LRATD2: variants seen among roughly 807,000 people sequenced by gnomAD.
LRATD2 encodes protein LRATD2.
Under a neutral mutation model 12.0 loss-of-function variants are expected in LRATD2, and 10 were observed. That is an observed-to-expected ratio of 0.83 (90% confidence interval 0.51 to 1.41). LRATD2 has a LOEUF of 1.41. LRATD2 is among the 40% of genes most tolerant of loss of function. The pLI is 0.00. For missense variants in LRATD2, 455 were observed against 446.1 expected, an observed-to-expected ratio of 1.02 and a Z score of -0.18; for synonymous variants, 220 against 205.8, an observed-to-expected ratio of 1.07 and a Z score of -0.59.
At position 126,553,958 on chromosome 8, in the gene LRATD2, T is replaced by G. The variant is rs982317269; in HGVS notation, c.*2499A>C. 2 of 151,992 alleles carry G rather than the reference T, an allele frequency of 1.3e-5. No individual in the cohort carries two copies. The highest frequency in any genetic ancestry group is 4.8e-5 in the African/African-American group (2 of 41,300). 9.4% of individuals were successfully genotyped at this position (151,992 alleles called of 1,614,324 possible). A position where few individuals can be genotyped will look rare whatever the true frequency, so the allele number is the denominator to read the frequency against. ...CAGAGGAAGAAGACGGGTGGGGGAG[T>G]TGATCTGGCTAGCCCAGAGCTGGAC... On this transcript the variant is annotated 3_prime_UTR_variant, in exon 2 of 2. Transcript: ENST00000304916.
Position 126,556,329 on chromosome 8 carries a change from T to C in LRATD2, c.*128A>G, listed in dbSNP as rs1410799207. 8.6e-7 allele frequency: 1 copy of C among 1,159,708 alleles called. No homozygotes were observed. Among genetic ancestry groups the C allele is most frequent in the East Asian group, 2.9e-5 (1 of 34,550 alleles). The allele number at this position is 1,159,708 out of a possible 1,614,324, so 71.8% of individuals were successfully genotyped here. On this transcript the variant is annotated 3_prime_UTR_variant, in exon 2 of 2. Transcript: ENST00000304916. The surrounding 1 kb of genome is among the most constrained non-coding windows in gnomAD (Gnocchi z 5.6). Reference sequence around the variant, plus strand: ...CGGCTGCGCATTTCACCAACTCTTTTCCAAAGGGCCCAGGAATCCCAGATG... The same window carrying C: ...CGGCTGCGCATTTCACCAACTCTTTCCCAAAGGGCCCAGGAATCCCAGATG...
rs1463396447 is a variant in LRATD2, at chr8:126,553,949, G to A, written c.*2508C>T. ...ATTCTGGGACAGAGGAAGAAGACGG[G>A]TGGGGGAGTTGATCTGGCTAGCCCA... On this transcript the variant is annotated 3_prime_UTR_variant, in exon 2 of 2. Coordinates refer to ENST00000304916, the MANE Select transcript of LRATD2 (RefSeq NM_174911.5). 6.6e-6 allele frequency: 1 copy of A among 152,362 alleles called. No individual in the cohort carries two copies. Among genetic ancestry groups the A allele is most frequent in the Non-Finnish European group, 1.5e-5 (1 of 68,156 alleles). The allele number at this position is 152,362 out of a possible 1,614,324, so 9.4% of individuals were successfully genotyped here.
chr8:126,556,325 CTT>C lies in LRATD2; in HGVS notation c.*130_*131del, dbSNP rs1817390498. ...CAGCCGGCTGCGCATTTCACCAACTCTTTTCCAAAGGGCCCAGGAATCCCAGA... is the reference window on the plus strand; with the variant it reads ...CAGCCGGCTGCGCATTTCACCAACTCTTCCAAAGGGCCCAGGAATCCCAGA... On this transcript the variant is annotated 3_prime_UTR_variant, in exon 2 of 2. Transcript: ENST00000304916. This position sits in a 1 kb window ranked among gnomAD's most constrained non-coding sequence, Gnocchi z 5.6. 1 of 1,132,982 alleles carries C rather than the reference CTT, an allele frequency of 8.8e-7. No homozygotes were observed. The highest frequency in any genetic ancestry group is 1.2e-6 in the Non-Finnish European group (1 of 834,368). 70.2% of individuals were successfully genotyped at this position (1,132,982 alleles called of 1,614,324 possible).
At position 126,556,147 on chromosome 8, in the gene LRATD2, C is replaced by T. The variant is rs1817385660; in HGVS notation, c.*310G>A. On this transcript the variant is annotated 3_prime_UTR_variant, in exon 2 of 2. Transcript: ENST00000304916. The surrounding 1 kb of genome is among the most constrained non-coding windows in gnomAD (Gnocchi z 5.6). ...GTGCTTAAGAATGGCCGATTATAAA[C>T]CCAGATCTACCAAGGTTTAAGTGCC... 2 of 403,640 alleles carry T rather than the reference C, an allele frequency of 5.0e-6. No individual in the cohort carries two copies. The highest frequency in any genetic ancestry group is 4.5e-5 in the Admixed American group (1 of 22,022). The allele number at this position is 403,640 out of a possible 1,614,324, so 25.0% of individuals were successfully genotyped here. A position where few individuals can be genotyped will look rare whatever the true frequency, so the allele number is the denominator to read the frequency against.
chr8:126,554,793 T>C lies in LRATD2; in HGVS notation c.*1664A>G, dbSNP rs1421359616. 6.6e-6 allele frequency: 1 copy of C among 151,282 alleles called. No homozygotes were observed. The highest frequency in any genetic ancestry group is 1.5e-5 in the Non-Finnish European group (1 of 67,924). The allele number at this position is 151,282 out of a possible 1,614,324, so 9.4% of individuals were successfully genotyped here. On this transcript the variant is annotated 3_prime_UTR_variant, in exon 2 of 2. Coordinates refer to ENST00000304916, the MANE Select transcript of LRATD2 (RefSeq NM_174911.5). ...ATTCTATTCCAACTGTTCAGAATCATATCACAAAATGACTTGTACACAGTA... is the reference window on the plus strand; with the variant it reads ...ATTCTATTCCAACTGTTCAGAATCACATCACAAAATGACTTGTACACAGTA...
At position 126,557,756 on chromosome 8, in the gene LRATD2, T is replaced by A. The variant is rs1817453171; in HGVS notation, c.-96-271A>T. 2 of 222,990 alleles carry A rather than the reference T, an allele frequency of 9.0e-6. No individual in the cohort carries two copies. The highest frequency in any genetic ancestry group is 5.7e-5 in the Admixed American group (1 of 17,644). The allele number at this position is 222,990 out of a possible 1,614,324, so 13.8% of individuals were successfully genotyped here. ...CTACTGCTTCCGCCTGCGCCCTACC[T>A]GCCAAGCTTGGGCAGGAAGAGGGAA... On this transcript the variant is annotated intron_variant, in intron 1 of 1. Coordinates refer to ENST00000304916, the MANE Select transcript of LRATD2 (RefSeq NM_174911.5). The surrounding 1 kb of genome is among the most constrained non-coding windows in gnomAD (Gnocchi z 5.3).
At position 126,553,937 on chromosome 8, in the gene LRATD2, GGAA is replaced by G. The variant is rs1021211901; in HGVS notation, c.*2517_*2519del. The G allele has an allele frequency of 2.6e-5, 4 of 152,352 alleles. No individual in the cohort carries two copies. The highest frequency in any genetic ancestry group is 9.6e-5 in the African/African-American group (4 of 41,468). The allele number at this position is 152,352 out of a possible 1,614,324, so 9.4% of individuals were successfully genotyped here. ...ACATCATTTTCCATTCTGGGACAGA[GGAA>G]GAAGACGGGTGGGGGAGTTGATCTG... On this transcript the variant is annotated 3_prime_UTR_variant, in exon 2 of 2. Coordinates refer to ENST00000304916, the MANE Select transcript of LRATD2 (RefSeq NM_174911.5).
Position 126,557,152 on chromosome 8 carries a change from C to A in LRATD2, c.238G>T (p.Glu80Ter). The change falls in exon 2 of 2, where the codon GAG becomes TAG. Residue 80 changes from glutamate to a stop codon, truncating the protein, a stop_gained. Coordinates refer to ENST00000304916, the MANE Select transcript of LRATD2 (RefSeq NM_174911.5). LOFTEE classifies it high-confidence loss of function. This position sits in a 1 kb window ranked among gnomAD's most constrained non-coding sequence, Gnocchi z 5.3. The stretch of plus-strand genomic sequence containing the variant: ...CGGTAGAACACGGAGCATTCCACCT[C>A]GTGCAGCCGCGGATCGTAGGGCTGC... ...QPQPYDPRLH[E>*]VECSVFYRDE... 1 of 1,612,058 alleles carries A rather than the reference C, an allele frequency of 6.2e-7. No individual in the cohort carries two copies.
rs1179880209 is a variant in LRATD2 at position 126,554,336 on chromosome 8, A to G, written c.*2121T>C. On this transcript the variant is annotated 3_prime_UTR_variant, in exon 2 of 2. Coordinates refer to ENST00000304916, the MANE Select transcript of LRATD2 (RefSeq NM_174911.5). ...TTCTATTTTCACTACTGTGTTAAGC[A>G]TGAAAGAAAATCCAACTGGGTTAGA... 1 of 152,256 alleles carries G rather than the reference A, an allele frequency of 6.6e-6. No homozygotes were observed. Among genetic ancestry groups the G allele is most frequent in the Non-Finnish European group, 1.5e-5 (1 of 68,050 alleles). The allele number at this position is 152,256 out of a possible 1,614,324, so 9.4% of individuals were successfully genotyped here.
At position 126,556,437 on chromosome 8, in the gene LRATD2, C is replaced by G; in HGVS notation, c.*20G>C. On this transcript the variant is annotated 3_prime_UTR_variant, in exon 2 of 2. Coordinates refer to ENST00000304916, the MANE Select transcript of LRATD2 (RefSeq NM_174911.5). This position sits in a 1 kb window ranked among gnomAD's most constrained non-coding sequence, Gnocchi z 5.6. Reference sequence around the variant, plus strand: ...TACTGCAAACAGTTCCCCTTCGCAGCTCTGCGCTCAGCTCGCCCATCAGTG... The same window carrying G: ...TACTGCAAACAGTTCCCCTTCGCAGGTCTGCGCTCAGCTCGCCCATCAGTG... The G allele has an allele frequency of 1.9e-6, 3 of 1,539,018 alleles. No homozygotes were observed. The highest frequency in any genetic ancestry group is 2.6e-6 in the Non-Finnish European group (3 of 1,148,928).
chr8:126,556,322 A>G lies in LRATD2; in HGVS notation c.*135T>C. 10 of 1,078,012 alleles carry G rather than the reference A, an allele frequency of 9.3e-6. No individual in the cohort carries two copies. The highest frequency in any genetic ancestry group is 1.3e-5 in the Non-Finnish European group (10 of 785,682). 66.8% of individuals were successfully genotyped at this position (1,078,012 alleles called of 1,614,324 possible). On this transcript the variant is annotated 3_prime_UTR_variant, in exon 2 of 2. Coordinates refer to ENST00000304916, the MANE Select transcript of LRATD2 (RefSeq NM_174911.5). This position sits in a 1 kb window ranked among gnomAD's most constrained non-coding sequence, Gnocchi z 5.6. ...CCACAGCCGGCTGCGCATTTCACCA[A>G]CTCTTTTCCAAAGGGCCCAGGAATC... is the stretch of plus-strand genomic sequence containing the variant.
chr8:126,556,553 C>T lies in LRATD2; in HGVS notation c.837G>A (p.Glu279=). ...LATHLHPAEP[E]EGDSNVARTT... ...TCCGCGCCACGTTGCTGTCGCCCTC[C>T]TCCGGCTCCGCCGGGTGCAGGTGCG... Residue 279 remains glutamate (E), a synonymous_variant, in exon 2 of 2, where the codon GAG becomes GAA. Transcript: ENST00000304916. This position sits in a 1 kb window ranked among gnomAD's most constrained non-coding sequence, Gnocchi z 5.6. 1 of 1,606,538 alleles carries T rather than the reference C, an allele frequency of 6.2e-7. No homozygotes were observed. The highest frequency in any genetic ancestry group is 1.1e-5 in the South Asian group (1 of 90,074).
In LRATD2 at chr8:126,556,569, T is replaced by A; in HGVS notation, c.821A>T (p.His274Leu). 6.2e-7 allele frequency: 1 copy of A among 1,609,000 alleles called. No homozygotes were observed. Among genetic ancestry groups the A allele is most frequent in the Non-Finnish European group, 8.5e-7 (1 of 1,177,964 alleles). ...GTCGCCCTCCTCCGGCTCCGCCGGG[T>A]GCAGGTGCGTGGCGAGCTCCTGCAG... ...AVLQELATHL[H>L]PAEPEEGDSN... Residue 274 changes from histidine (H) to leucine (L), a missense_variant, in exon 2 of 2, where the codon CAC (histidine) becomes CTC (leucine). His to Leu is a moderately conservative substitution (Grantham distance 99, BLOSUM62 -3). Transcript: ENST00000304916. The surrounding 1 kb of genome is among the most constrained non-coding windows in gnomAD (Gnocchi z 5.6).
rs541233183 is a variant in LRATD2 at position 126,557,350 on chromosome 8, T to C, written c.40A>G (p.Lys14Glu). The C allele has an allele frequency of 9.9e-6, 16 of 1,613,806 alleles. No individual in the cohort carries two copies. Among genetic ancestry groups the C allele is most frequent in the African/African-American group, 2.7e-5 (2 of 74,998 alleles). Residue 14 changes from lysine to glutamate, a missense_variant, in exon 2 of 2, where the codon AAG becomes GAG. Transcript: ENST00000304916. The surrounding 1 kb of genome is among the most constrained non-coding windows in gnomAD (Gnocchi z 5.3). ...QVEKLTHLSYKEVPTADPTGV... is the reference protein window; with the variant it reads ...QVEKLTHLSYEEVPTADPTGV... ...GTCGGGTCGGCCGTGGGAACTTCCT[T>C]GTAACTTAGGTGGGTCAATTTCTCC...
At position 126,556,514 on chromosome 8, in the gene LRATD2, G is replaced by A; in HGVS notation, c.876C>T (p.Pro292=). Residue 292 remains proline (P), a synonymous_variant, in exon 2 of 2, where the codon CCC becomes CCT. Coordinates refer to ENST00000304916, the MANE Select transcript of LRATD2 (RefSeq NM_174911.5). The surrounding 1 kb of genome is among the most constrained non-coding windows in gnomAD (Gnocchi z 5.6). ...CGGAGCTGGGCGCAGGGGGGCGCCC[G>A]GGAGGCGGCGTAGTCCGCGCCACGT... ...DSNVARTTPP[P]GRPPAPSSEE... is the part of the protein sequence containing the mutation. 1 of 1,594,458 alleles carries A rather than the reference G, an allele frequency of 6.3e-7. No individual in the cohort carries two copies. The highest frequency in any genetic ancestry group is 8.5e-7 in the Non-Finnish European group (1 of 1,172,180).
Position 126,557,418 on chromosome 8 carries a change from G to C in LRATD2, c.-29C>G, listed in dbSNP as rs1399042981. The stretch of plus-strand genomic sequence containing the variant: ...GCTGCGGACACACGTTCACACCGCC[G>C]CAAGGGGAGAAAGCGAAACCAACTC... On this transcript the variant is annotated 5_prime_UTR_variant, in exon 2 of 2. Coordinates refer to ENST00000304916, the MANE Select transcript of LRATD2 (RefSeq NM_174911.5). This position sits in a 1 kb window ranked among gnomAD's most constrained non-coding sequence, Gnocchi z 5.3. 1 of 1,604,910 alleles carries C rather than the reference G, an allele frequency of 6.2e-7. No individual in the cohort carries two copies. The highest frequency in any genetic ancestry group is 8.5e-7 in the Non-Finnish European group (1 of 1,177,334).
Position 126,557,043 on chromosome 8 carries a change from C to T in LRATD2, c.347G>A (p.Cys116Tyr), listed in dbSNP as rs1817422847. ...TYTPENLLNK[C>Y]KPGDLVEFVS... ...GAACTCCACCAGATCGCCCGGCTTG[C>T]ACTTGTTGAGCAGGTTCTCGGGCGT... The change falls in exon 2 of 2, where the codon TGC becomes TAC. Residue 116 changes from cysteine (C) to tyrosine (Y), a missense_variant. Physicochemically the swap from Cys to Tyr is radical, Grantham distance 194. Transcript: ENST00000304916. The surrounding 1 kb of genome is among the most constrained non-coding windows in gnomAD (Gnocchi z 5.3). 6.2e-6 allele frequency: 10 copies of T among 1,607,352 alleles called. No homozygotes were observed. The highest frequency in any genetic ancestry group is 8.5e-6 in the Non-Finnish European group (10 of 1,179,986).
Position 126,556,749 on chromosome 8 carries a change from T to C in LRATD2, c.641A>G (p.Glu214Gly). 1 of 1,601,170 alleles carries C rather than the reference T, an allele frequency of 6.2e-7. No individual in the cohort carries two copies. The highest frequency in any genetic ancestry group is 8.5e-7 in the Non-Finnish European group (1 of 1,174,004). The change falls in exon 2 of 2, where the codon GAG becomes GGG. Residue 214 changes from glutamate to glycine, a missense_variant. Glu to Gly is a moderately conservative substitution (Grantham distance 98). Coordinates refer to ENST00000304916, the MANE Select transcript of LRATD2 (RefSeq NM_174911.5). The surrounding 1 kb of genome is among the most constrained non-coding windows in gnomAD (Gnocchi z 5.6). ...FAAWCRYGKR[E>G]FKIGGELRIG... is the part of the protein sequence containing the mutation. ...GCGCAGCTCGCCGCCGATCTTGAACTCGCGCTTGCCGTAGCGGCACCAGGC... is the reference window on the plus strand; with the variant it reads ...GCGCAGCTCGCCGCCGATCTTGAACCCGCGCTTGCCGTAGCGGCACCAGGC...
rs964474565 is a variant in LRATD2 at position 126,556,739 on chromosome 8, G to C, written c.651C>G (p.Ile217Met). The C allele has an allele frequency of 6.2e-7, 1 of 1,602,750 alleles. No individual in the cohort carries two copies. The highest frequency in any genetic ancestry group is 8.5e-7 in the Non-Finnish European group (1 of 1,174,722). ...GCTTGCCGATGCGCAGCTCGCCGCC[G>C]ATCTTGAACTCGCGCTTGCCGTAGC... ...WCRYGKREFK[I>M]GGELRIGKQP... Residue 217 changes from isoleucine (I) to methionine (M), a missense_variant, in exon 2 of 2, where the codon ATC becomes ATG. Coordinates refer to ENST00000304916, the MANE Select transcript of LRATD2 (RefSeq NM_174911.5). This position sits in a 1 kb window ranked among gnomAD's most constrained non-coding sequence, Gnocchi z 5.6.
Sources: gnomAD v4.1 joint callset for allele counts on GRCh38, gnomAD v4.1.1 for gene constraint, Gnocchi (gnomAD v3.1) non-coding constraint, MANE v1.5 for transcripts, NCBI Gene and HGNC (gene_info 2026-07-23, HGNC 2026-07-21) for gene names.